Variants in SLIT1 observed in about 807,000 individuals in gnomAD.
SLIT1 encodes slit homolog 1 protein.
A neutral mutation model predicts 186.1 loss-of-function variants in SLIT1; 66 were observed. The ratio of observed to expected loss-of-function variants is 0.35; its 90% confidence interval spans 0.29 to 0.44. SLIT1 has a LOEUF of 0.44. Among genes scored for constraint, SLIT1 ranks in the 20% least tolerant of loss-of-function variants. SLIT1 has a pLI of 1.00. For missense variants in SLIT1, 1,638 were observed against 2,037.4 expected (o/e 0.80, Z 3.77); for synonymous variants, 761 against 833.8 (o/e 0.91, Z 1.50).
chr10:97,051,200 G>A (rs1848783293), intron 13 of SLIT1, among the ~76,000 whole-genome samples: 1 of 151,454 alleles, frequency 6.6e-6, no homozygotes, highest in East Asian at 1.9e-4. Flanking sequence ...TTAGGGAAAT[G>A]CAAATTAAAA....
Position 97,001,297 on chromosome 10 carries a change from A to G in SLIT1, c.4420T>C (p.Tyr1474His), listed in dbSNP as rs768629100. 10 of 1,613,250 alleles carry G rather than the reference A, an allele frequency of 6.2e-6. No individual in the cohort carries two copies. In the East Asian group the frequency reaches 1.1e-4, roughly 18 times the overall value. Residue 1474 changes from tyrosine to histidine, a missense_variant, in exon 37 of 37, where the codon TAT (tyrosine) becomes CAT (histidine). Physicochemically the swap from Tyr to His is moderately conservative, Grantham distance 83. This residue lies in a region of SLIT1 where 220 missense variants were observed against 211.3 expected (regional missense o/e 1.04). Transcript: ENST00000266058. ...GGGCGCGTGGTCTGGCAGATGGCATAGCCCCTCTGGACCTGGTGAAAGTCC... is the reference window on the plus strand; with the variant it reads ...GGGCGCGTGGTCTGGCAGATGGCATGGCCCCTCTGGACCTGGTGAAAGTCC... ...VRDFHQVQRG[Y>H]AICQTTRPLS...
At chr10:97,066,938 T>C (rs1848952568) in intron 4 of SLIT1, among the ~76,000 whole-genome samples, 1 of 151,968 alleles carries the variant, frequency 6.6e-6, no homozygotes, top group African/African-American at 2.4e-5. Context: ...GTGGGAGGGA[T>C]GGCACCCTGG....
At chr10:97,185,456 C>G (rs753913450) in intron 1 of SLIT1, 22 bp downstream of exon 1, 2 of 1,605,938 alleles carry the variant, frequency 1.2e-6, no homozygotes, top group Admixed American at 1.7e-5. Context: ...GCCAGGGAGC[C>G]AGGGGCGGGG....
chr10:97,073,486 G>A (rs191201985), intron 4 of SLIT1, among the ~76,000 whole-genome samples: 3 of 152,326 alleles, frequency 2.0e-5, no homozygotes, highest in East Asian at 1.9e-4. Context: ...CCGGGGAAGC[G>A]GAGCCAGACA....
chr10:97,114,306 T>G (rs774426855), intron 4 of SLIT1, among the ~76,000 whole-genome samples: 5 of 152,032 alleles, frequency 3.3e-5, no homozygotes, highest in Non-Finnish European at 5.9e-5. Flanking sequence ...GGAGCCCAAG[T>G]GAACATAGAA....
At chr10:97,109,249 G>A (rs1465479891) in intron 4 of SLIT1, among the ~76,000 whole-genome samples, 4 of 150,796 alleles carry the variant, frequency 2.7e-5, no homozygotes, top group African/African-American at 9.7e-5. Flanking sequence ...TAGATGAAAA[G>A]ACATTTCAAG....
At chr10:97,037,842 GCA>G in intron 21 of SLIT1, 76 bp from the exon 22 acceptor site, 8 of 1,243,102 alleles carry the variant, frequency 6.4e-6, no homozygotes, top group Non-Finnish European at 9.2e-6. Context: ...AGCCTTCCCT[GCA>G]GCCAGGGACT....
intron 4 of SLIT1, among the ~76,000 whole-genome samples, chr10:97,151,637 A>G (rs538860465): frequency 1.8e-4 from 27 of 152,026 alleles, no homozygotes; most frequent in African/African-American, 6.3e-4. Context: ...TGTAAGGATG[A>G]GCTTTATTGT....
At chr10:97,037,655 G>T in intron 22 of SLIT1, 43 bp downstream of exon 22, 1 of 1,499,256 alleles carries the variant, frequency 6.7e-7, no homozygotes, top group Non-Finnish European at 9.3e-7. Context: ...CTGATGGTTA[G>T]ATGCCAAAGG....
Position 97,000,425 on chromosome 10 carries a change from GTCATGCTA to G in SLIT1, c.*679_*686del, listed in dbSNP as rs1848293467. ...CACATAAGCCCTCGCAGCTACAGTAGTCATGCTAGAACTTTAGGATTCAGAGGCCTGGT... is the reference window on the plus strand; with the variant it reads ...CACATAAGCCCTCGCAGCTACAGTAGGAACTTTAGGATTCAGAGGCCTGGT... On this transcript the variant is annotated 3_prime_UTR_variant, in exon 37 of 37. Transcript: ENST00000266058. The G allele has an allele frequency of 1.3e-5, 2 of 152,468 alleles. No homozygotes were observed. Among genetic ancestry groups the G allele is most frequent in the South Asian group, 2.1e-4 (1 of 4,830 alleles). 9.4% of individuals were successfully genotyped at this position (152,468 alleles called of 1,614,324 possible).
chr10:97,097,845 A>G (rs371458034), intron 4 of SLIT1, among the ~76,000 whole-genome samples: 2 of 152,234 alleles, frequency 1.3e-5, no homozygotes, highest in Non-Finnish European at 2.9e-5. Flanking sequence ...GTGGGCAGCC[A>G]TCAGTCCTCG....
intron 18 of SLIT1, among the ~76,000 whole-genome samples, chr10:97,044,944 G>C (rs1329706894): frequency 2.0e-5 from 3 of 152,212 alleles, no homozygotes; most frequent in African/African-American, 7.2e-5. Context: ...GGTCATAAGG[G>C]TGGAGCCCTC....
chr10:97,016,407 T>C (rs1282231095), intron 28 of SLIT1, among the ~76,000 whole-genome samples: 1 of 152,244 alleles, frequency 6.6e-6, no homozygotes, highest in Non-Finnish European at 1.5e-5. Context: ...AATTTATTTT[T>C]TTATTTTAGA....
chr10:97,046,746 G>A lies in SLIT1; in HGVS notation c.1761C>T (p.Gly587=), dbSNP rs143253385. 1.3e-5 allele frequency: 21 copies of A among 1,612,408 alleles called. No individual in the cohort carries two copies. Among genetic ancestry groups the A allele is most frequent in the East Asian group, 6.7e-5 (3 of 44,888 alleles). ...VSEIEDGAFE[G]AASVSELHLT... ...GGTGCAGCTCGCTCACAGAGGCTGC[G>A]CCCTCGAAGGCCCCATCTTCAATTT... The change falls in exon 18 of 37, where the codon GGC becomes GGT. Residue 587 remains glycine (G), a synonymous_variant. Transcript: ENST00000266058.
chr10:97,071,201 G>A (rs913591381), intron 4 of SLIT1, among the ~76,000 whole-genome samples: 7 of 152,320 alleles, frequency 4.6e-5, no homozygotes, highest in South Asian at 4.1e-4. Flanking sequence ...ACTGAAAGAC[G>A]GGGTCTGGGG....
At chr10:97,165,461 G>A (rs796356964) in intron 1 of SLIT1, among the ~76,000 whole-genome samples, 3 of 152,220 alleles carry the variant, frequency 2.0e-5, no homozygotes, top group African/African-American at 4.8e-5. Context: ...CTGAGGAAGC[G>A]GGACTCAAGC....
intron 4 of SLIT1, among the ~76,000 whole-genome samples, chr10:97,084,964 C>T (rs1487058015): frequency 6.8e-6 from 1 of 147,398 alleles, no homozygotes; most frequent in Non-Finnish European, 1.5e-5. Flanking sequence ...CACTCTGTCG[C>T]CCAGGCTGGA....
At chr10:97,130,198 G>C (rs1001584851) in intron 4 of SLIT1, among the ~76,000 whole-genome samples, 2 of 152,160 alleles carry the variant, frequency 1.3e-5, no homozygotes, top group African/African-American at 4.8e-5. Context: ...AGTCTAGCTG[G>C]TATGGTGATT....
chr10:97,007,335 G>A (rs1417633728), intron 31 of SLIT1, among the ~76,000 whole-genome samples: 2 of 152,136 alleles, frequency 1.3e-5, no homozygotes, highest in Non-Finnish European at 2.9e-5. Flanking sequence ...GGCCCAGATG[G>A]TTTAACTGGT....
Sources: allele counts gnomAD v4.1 joint callset (sites outside exome capture counted in the v4.1 genomes callset), GRCh38; gene constraint gnomAD v4.1.1; regional missense constraint gnomAD v4.1.1; transcripts MANE v1.5; gene names NCBI Gene and HGNC (gene_info 2026-07-23, HGNC 2026-07-21).